The following USP20 variants were observed in gnomAD, a reference collection of about 807,000 sequenced individuals.
USP20 encodes the protein ubiquitin carboxyl-terminal hydrolase 20.
A neutral mutation model predicts 124.2 loss-of-function variants in USP20; 80 were observed. The ratio of observed to expected loss-of-function variants is 0.64; its 90% CI spans 0.54 to 0.78. The LOEUF is 0.78. Among genes scored for constraint, USP20 ranks in the 30% least tolerant of loss-of-function variants. The probability of loss-of-function intolerance (pLI) is 0.00; values close to 1 mark genes in which losing one functional copy is unlikely to be tolerated. For synonymous variants in USP20, 481 were observed against 512.3 expected (o/e 0.94, Z 0.83); for missense variants, 1,043 against 1,244.4 (o/e 0.84, Z 2.44).
intron 1 of USP20, among the ~76,000 whole-genome samples, chr9:129,841,503 T>G (rs1435145669): frequency 6.6e-6 from 1 of 152,216 alleles, no homozygotes; most frequent in African/African-American, 2.4e-5. Flanking sequence ...TAACAGGCAG[T>G]CCACACTCAG....
rs372026246 is a variant in USP20, at chr9:129,852,656, G to A, written c.81+20G>A. On this transcript the variant is annotated intron_variant, in intron 3 of 25. Coordinates refer to ENST00000372429, the MANE Select transcript of USP20 (RefSeq NM_001110303.4). ...TCTAAGGTAAAGGGTCAGACCTTAC[G>A]GGGCCAGGGCCCACACCCAGGGCTG... 3.1e-5 allele frequency: 49 copies of A among 1,568,194 alleles called. No homozygotes were observed. The highest frequency in any genetic ancestry group is 2.6e-4 in the African/African-American group (19 of 73,974).
intron 10 of USP20, 82 bp from the exon 11 acceptor site, chr9:129,867,923 G>C (rs1231638568): frequency 1.3e-6 from 2 of 1,495,798 alleles, no homozygotes; most frequent in East Asian, 4.6e-5. Context: ...ATGGAGGCTG[G>C]CGCTCTCATC....
intron 9 of USP20, among the ~76,000 whole-genome samples, chr9:129,865,100 A>G (rs1350617071): frequency 6.6e-6 from 1 of 152,228 alleles, no homozygotes; most frequent in Non-Finnish European, 1.5e-5. Context: ...CTCTTTGCTT[A>G]ATTGAGGCAG....
chr9:129,879,075 G>A lies in USP20; in HGVS notation c.2513-498G>A, dbSNP rs1249512104. ...TCGGGGAAGGTGCCAGGGCCACCGT[G>A]AGGCCTCTCTGGTGGTGGCTGAGGC... On this transcript the variant is annotated intron_variant, in intron 23 of 25. Transcript: ENST00000372429. The surrounding 1 kb of genome is among the most constrained non-coding windows in gnomAD (Gnocchi z 4.2). Among the ~76,000 whole-genome samples the A allele has an allele frequency of 6.6e-6, 1 of 151,364 alleles. No individual in the cohort carries two copies. Among genetic ancestry groups the A allele is most frequent in the African/African-American group, 2.4e-5 (1 of 41,428 alleles).
In USP20 at chr9:129,874,761, G is replaced by A. The variant is rs961930803; in HGVS notation, c.1921+5G>A. The A allele has an allele frequency of 6.2e-7, 1 of 1,613,814 alleles. No individual in the cohort carries two copies. Among genetic ancestry groups the A allele is most frequent in the Non-Finnish European group, 8.5e-7 (1 of 1,179,988 alleles). On this transcript the variant is annotated splice_donor_5th_base_variant and intron_variant, in intron 18 of 25. Coordinates refer to ENST00000372429, the MANE Select transcript of USP20 (RefSeq NM_001110303.4). ...GCCACCACGGCACGGCAGGCAGTGA[G>A]TCATGTCCCCTCCCCTGCCGTCCCC... is the stretch of plus-strand genomic sequence containing the variant.
intron 9 of USP20, 139 bp downstream of exon 9, chr9:129,863,438 G>A (rs736056): frequency 0.059 from 36,784 of 621,424 alleles, 1,444 homozygotes; most frequent in Admixed American, 0.074. Context: ...CTTGCAGCAA[G>A]CCTGCGGGGT....
Position 129,873,492 on chromosome 9 carries a change from G to T in USP20, c.1671G>T (p.Met557Ile), listed in dbSNP as rs773547758. The T allele has an allele frequency of 6.2e-7, 1 of 1,614,144 alleles. No individual in the cohort carries two copies. The highest frequency in any genetic ancestry group is 1.7e-5 in the Admixed American group (1 of 60,022). ...GTTTTACTGCCCTAGGTGACAACAT[G>T]TACAGCTGTGAGCGGTGTAAGAAGT... ...FAADELKGDNMYSCERCKKLR... is the reference protein window; with the variant it reads ...FAADELKGDNIYSCERCKKLR... Residue 557 changes from methionine to isoleucine, a missense_variant, in exon 16 of 26, where the codon ATG becomes ATT. By Grantham distance (10) the Met-to-Ile change is conservative. Transcript: ENST00000372429.
At chr9:129,855,048 CCT>C (rs1017771651) in intron 3 of USP20, among the ~76,000 whole-genome samples, 51 of 152,290 alleles carry the variant, frequency 3.3e-4, no homozygotes, top group African/African-American at 1.2e-3. Context: ...AAGGGTGTGA[CCT>C]CTCTGAGTCC....
At chr9:129,861,399 T>G (rs912159617) in intron 7 of USP20, 144 bp from the exon 8 acceptor site, 1 of 728,744 alleles carries the variant, frequency 1.4e-6, no homozygotes, top group Non-Finnish European at 2.4e-6. Flanking sequence ...CTGGGAAGAT[T>G]CCTGGGGTGG....
intron 11 of USP20, 140 bp downstream of exon 11, chr9:129,868,589 G>A: frequency 1.4e-6 from 2 of 1,435,850 alleles, no homozygotes; most frequent in East Asian, 2.5e-5. Flanking sequence ...TCAGCCTCCG[G>A]GGGGGCTCAG....
chr9:129,852,398 G>A, intron 2 of USP20, 142 bp from the exon 3 acceptor site: 1 of 665,838 alleles, frequency 1.5e-6, no homozygotes, highest in South Asian at 1.8e-5. Flanking sequence ...TGCTCAGAGA[G>A]GTTAAGCAAC....
At chr9:129,858,177 C>T in intron 5 of USP20, 65 bp downstream of exon 5, 2 of 1,534,476 alleles carry the variant, frequency 1.3e-6, no homozygotes, top group East Asian at 2.2e-5. Context: ...ACCCCAGCTC[C>T]ACCTTCCCAC....
At chr9:129,876,649 A>G (rs1043191551) in intron 22 of USP20, among the ~76,000 whole-genome samples, 4 of 151,600 alleles carry the variant, frequency 2.6e-5, no homozygotes, top group Non-Finnish European at 4.4e-5. Flanking sequence ...AAAAAAAAAA[A>G]AAAAAGAAAA....
chr9:129,856,398 C>A, intron 4 of USP20, 38 bp downstream of exon 4: 1 of 1,605,572 alleles, frequency 6.2e-7, no homozygotes, highest in Non-Finnish European at 8.5e-7. Context: ...TGTAGAGCTG[C>A]TTCCACCTGT....
intron 1 of USP20, among the ~76,000 whole-genome samples, chr9:129,842,522 C>G (rs1193260135): frequency 6.6e-6 from 1 of 151,984 alleles, no homozygotes; most frequent in Non-Finnish European, 1.5e-5. Context: ...AAAATGATAA[C>G]TTTCAGACAG....
At chr9:129,857,953 G>A in intron 4 of USP20, 97 bp from the exon 5 acceptor site, 1 of 1,094,234 alleles carries the variant, frequency 9.1e-7, no homozygotes, top group Non-Finnish European at 1.4e-6. Flanking sequence ...CTATTCAGGA[G>A]AGGTAGGGGC....
intron 1 of USP20, among the ~76,000 whole-genome samples, chr9:129,848,445 C>T (rs1036200087): frequency 2.0e-5 from 3 of 151,968 alleles, no homozygotes; most frequent in African/African-American, 7.3e-5. Flanking sequence ...ATTTTTCTCT[C>T]TGAAGTTGCA....
Position 129,868,217 on chromosome 9 carries a change from C to A in USP20, c.903C>A (p.Gly301=), listed in dbSNP as rs769402512. Residue 301 remains glycine (G), a synonymous_variant, in exon 11 of 26, where the codon GGC becomes GGA. Coordinates refer to ENST00000372429, the MANE Select transcript of USP20 (RefSeq NM_001110303.4). ...GTGAGGGTGACGGGCAGGGGCGTGGCGGGGGCAGCTCGCAGGCCGAGACGG... is the reference window on the plus strand; with the variant it reads ...GTGAGGGTGACGGGCAGGGGCGTGGAGGGGGCAGCTCGCAGGCCGAGACGG... ...DRGEGDGQGR[G]GGSSQAETEL... is the part of the protein sequence containing the mutation. The A allele has an allele frequency of 6.2e-7, 1 of 1,613,760 alleles. No individual in the cohort carries two copies. The highest frequency in any genetic ancestry group is 1.1e-5 in the South Asian group (1 of 91,062).
chr9:129,864,202 C>T (rs1345906833), intron 9 of USP20, among the ~76,000 whole-genome samples: 1 of 152,006 alleles, frequency 6.6e-6, no homozygotes, highest in Non-Finnish European at 1.5e-5. Context: ...GATGCAGTCA[C>T]TGACACCTGT....
Sources: gnomAD v4.1 joint callset for allele counts (sites outside exome capture counted in the v4.1 genomes callset) on GRCh38, gnomAD v4.1.1 for gene constraint, Gnocchi (gnomAD v3.1) non-coding constraint, MANE v1.5 for transcripts, NCBI Gene and HGNC (gene_info 2026-07-23, HGNC 2026-07-21) for gene names.